The following CRTC1 variants were observed in gnomAD, a reference collection of about 807,000 sequenced individuals.
The protein encoded by CRTC1 is CREB-regulated transcription coactivator 1.
Under a neutral mutation model 66.1 loss-of-function variants are expected in CRTC1, and 18 were observed. The observed-to-expected ratio is 0.27, with a 90% CI of 0.19 to 0.40. The LOEUF is 0.40. CRTC1 is among the 10% of genes least tolerant of loss of function. CRTC1 has a pLI of 1.00. For missense variants in CRTC1, 669 were observed against 887.9 expected (o/e 0.75, Z 3.13); for synonymous variants, 416 against 398.8 (o/e 1.04, Z -0.51).
At chr19:18,714,226 C>G (rs1259250678) in intron 1 of CRTC1, among the ~76,000 whole-genome samples, 2 of 152,208 alleles carry the variant, frequency 1.3e-5, no homozygotes, top group African/African-American at 4.8e-5. Flanking sequence ...CATCACAGCA[C>G]ACATGCAGCC....
At position 18,747,067 on chromosome 19, in the gene CRTC1, C is replaced by G; in HGVS notation, c.396C>G (p.Pro132=). Residue 132 remains proline (P), a synonymous_variant, in exon 4 of 14, where the codon CCC becomes CCG. Coordinates refer to ENST00000321949, the MANE Select transcript of CRTC1 (RefSeq NM_015321.3). ...DKHGRQADSC[P]YGTMYLSPPA... is the part of the protein sequence containing the mutation. The stretch of plus-strand genomic sequence containing the variant: ...ACTCACCTCACGCCGACAGCTGCCC[C>G]TATGGCACCATGTACCTCTCACCAC... 1 of 1,613,042 alleles carries G rather than the reference C, an allele frequency of 6.2e-7. No homozygotes were observed. Among genetic ancestry groups the G allele is most frequent in the Non-Finnish European group, 8.5e-7 (1 of 1,179,786 alleles).
At chr19:18,772,578 C>T (rs1335708235) in intron 11 of CRTC1, among the ~76,000 whole-genome samples, 1 of 152,208 alleles carries the variant, frequency 6.6e-6, no homozygotes, top group African/African-American at 2.4e-5. Flanking sequence ...AGGTCGGGCT[C>T]CCTTGTCCCA....
At position 18,741,380 on chromosome 19, in the gene CRTC1, C is replaced by T. The variant is rs1238462849; in HGVS notation, c.127-1530C>T. On this transcript the variant is annotated intron_variant, in intron 1 of 13. Transcript: ENST00000321949. The surrounding 1 kb of genome is among the most constrained non-coding windows in gnomAD (Gnocchi z 4.2). ...CGTCGTGTGTCCCTCTCACACCCGCCTGTAGCACTCACTCTAGGTCGGGGA... is the reference window on the plus strand; with the variant it reads ...CGTCGTGTGTCCCTCTCACACCCGCTTGTAGCACTCACTCTAGGTCGGGGA... Among the ~76,000 whole-genome samples, 1 of 152,250 alleles carries T rather than the reference C, an allele frequency of 6.6e-6. No individual in the cohort carries two copies. The highest frequency in any genetic ancestry group is 1.5e-5 in the Non-Finnish European group (1 of 68,042).
At chr19:18,695,341 G>A (rs1161142754) in intron 1 of CRTC1, among the ~76,000 whole-genome samples, 3 of 152,086 alleles carry the variant, frequency 2.0e-5, no homozygotes, top group Non-Finnish European at 4.4e-5. Flanking sequence ...TCTGTAAAAT[G>A]CCATATGGAC....
At chr19:18,719,704 G>C (rs1035271355) in intron 1 of CRTC1, among the ~76,000 whole-genome samples, 9 of 152,280 alleles carry the variant, frequency 5.9e-5, no homozygotes, top group South Asian at 2.1e-4. Context: ...GTTCCGCCTC[G>C]ACCGGAGGTG....
chr19:18,759,955 C>G, intron 7 of CRTC1, 53 bp from the exon 8 acceptor site: 1 of 1,410,138 alleles, frequency 7.1e-7, no homozygotes. Flanking sequence ...CTGTCCCCGC[C>G]GCCAGCCCCG....
chr19:18,773,070 TG>T (rs1044674735), intron 11 of CRTC1, among the ~76,000 whole-genome samples: 1 of 152,200 alleles, frequency 6.6e-6, no homozygotes, highest in African/African-American at 2.4e-5. Context: ...GTTAGTCTGC[TG>T]GGCAGCGAGC....
Position 18,768,078 on chromosome 19 carries a change from C to T in CRTC1, c.1012-407C>T, listed in dbSNP as rs1244854002. Reference sequence around the variant, plus strand: ...TCCCCAGAGTGGGCAAGGCTTTGGGCGGGGGGGTTTGGGAAGGCAAGGCCA... The same window carrying T: ...TCCCCAGAGTGGGCAAGGCTTTGGGTGGGGGGGTTTGGGAAGGCAAGGCCA... On this transcript the variant is annotated intron_variant, in intron 9 of 13. Transcript: ENST00000321949. This position sits in a 1 kb window ranked among gnomAD's most constrained non-coding sequence, Gnocchi z 5.6. Among the ~76,000 whole-genome samples the T allele has an allele frequency of 7.0e-6, 1 of 143,308 alleles. No homozygotes were observed. Among genetic ancestry groups the T allele is most frequent in the Non-Finnish European group, 1.5e-5 (1 of 64,898 alleles). 94.0% of individuals were successfully genotyped at this position (143,308 alleles called of 152,430 possible). A position where few individuals can be genotyped will look rare whatever the true frequency, so the allele number is the denominator to read the frequency against.
At chr19:18,740,494 T>C (rs1318700494) in intron 1 of CRTC1, among the ~76,000 whole-genome samples, 1 of 152,164 alleles carries the variant, frequency 6.6e-6, no homozygotes, top group African/African-American at 2.4e-5. Context: ...GTCAAGCTGA[T>C]GTGCCCAAAC....
chr19:18,697,589 C>T lies in CRTC1; in HGVS notation c.126+13761C>T, dbSNP rs10421240. On this transcript the variant is annotated intron_variant, in intron 1 of 13. Transcript: ENST00000321949. ...CCTCCCAAAATGCTGGGATTACAGGCATGAGCCAATGCTCTTGGCCCAACC... is the reference window on the plus strand; with the variant it reads ...CCTCCCAAAATGCTGGGATTACAGGTATGAGCCAATGCTCTTGGCCCAACC... 7.7e-3 allele frequency among the ~76,000 whole-genome samples: 1,166 copies of T among 152,348 alleles called. 11 individuals are homozygous for T. Among genetic ancestry groups the T allele is most frequent in the African/African-American group, 0.027 (1,130 of 41,580 alleles).
chr19:18,705,634 T>C (rs1397048225), intron 1 of CRTC1, among the ~76,000 whole-genome samples: 2 of 152,200 alleles, frequency 1.3e-5, no homozygotes, highest in East Asian at 1.9e-4. Flanking sequence ...GTTTAATTTT[T>C]TGAGGAACTG....
intron 4 of CRTC1, among the ~76,000 whole-genome samples, chr19:18,748,946 C>T (rs1600931373): frequency 6.6e-6 from 1 of 152,170 alleles, no homozygotes; most frequent in Non-Finnish European, 1.5e-5. Flanking sequence ...CATTGTAGTC[C>T]GTGTTAGACA....
intron 1 of CRTC1, among the ~76,000 whole-genome samples, chr19:18,720,374 CAGTCTCGCTCTGTCACCCAGGCTGG>C (rs1170321173): frequency 2.0e-5 from 3 of 151,394 alleles, no homozygotes; most frequent in Non-Finnish European, 4.4e-5. Context: ...TTTTTTGAGA[CAGTCTCGCTCTGTCACCCAGGCTGG>C]AGTGCAGTGG....
At chr19:18,733,852 C>T (rs2053941787) in intron 1 of CRTC1, among the ~76,000 whole-genome samples, 2 of 152,174 alleles carry the variant, frequency 1.3e-5, no homozygotes, top group African/African-American at 4.8e-5. Flanking sequence ...GCGGTGGCTC[C>T]TGCCTGTAAT....
intron 1 of CRTC1, among the ~76,000 whole-genome samples, chr19:18,710,941 A>G (rs2053377484): frequency 1.3e-5 from 2 of 152,158 alleles, no homozygotes; most frequent in African/African-American, 4.8e-5. Context: ...TAGGAAGCCC[A>G]TGCCCAGGCT....
At chr19:18,707,281 G>T (rs2053288388) in intron 1 of CRTC1, among the ~76,000 whole-genome samples, 1 of 152,160 alleles carries the variant, frequency 6.6e-6, no homozygotes, top group Non-Finnish European at 1.5e-5. Context: ...TTTTGTATAT[G>T]GTGTTAGATC....
chr19:18,747,036 C>T lies in CRTC1; in HGVS notation c.382-17C>T, dbSNP rs756113403. ...CGGGGTCTCAGCCAGTGGCACTGCC[C>T]CCTTAACTCACCTCACGCCGACAGC... On this transcript the variant is annotated splice_polypyrimidine_tract_variant and intron_variant, in intron 3 of 13. Coordinates refer to ENST00000321949, the MANE Select transcript of CRTC1 (RefSeq NM_015321.3). 4 of 1,612,482 alleles carry T rather than the reference C, an allele frequency of 2.5e-6. No homozygotes were observed. Among genetic ancestry groups the T allele is most frequent in the South Asian group, 2.2e-5 (2 of 91,004 alleles).
intron 11 of CRTC1, among the ~76,000 whole-genome samples, chr19:18,772,872 G>C (rs1202705359): frequency 1.3e-5 from 2 of 152,206 alleles, no homozygotes; most frequent in Non-Finnish European, 2.9e-5. Flanking sequence ...TGGGGATGGG[G>C]CTGGAGGGGC....
chr19:18,727,192 A>G (rs1353334901), intron 1 of CRTC1, among the ~76,000 whole-genome samples: 1 of 152,064 alleles, frequency 6.6e-6, no homozygotes, highest in African/African-American at 2.4e-5. Context: ...CAAGGCTGCC[A>G]TGAGCTATGA....
Sources: allele counts gnomAD v4.1 joint callset (sites outside exome capture counted in the v4.1 genomes callset), GRCh38; gene constraint gnomAD v4.1.1; non-coding constraint Gnocchi (gnomAD v3.1); transcripts MANE v1.5; gene names NCBI Gene and HGNC (gene_info 2026-07-23, HGNC 2026-07-21).